The following TANGO6 variants were observed in gnomAD, a reference collection of about 807,000 sequenced individuals.
TANGO6 encodes the protein transport and golgi organization 6 homolog, also known as transport and Golgi organization protein 6 homolog.
In TANGO6, 90 loss-of-function variants were observed where a neutral mutation model predicts 114.2. That is an observed-to-expected ratio of 0.79 (90% CI 0.66 to 0.94). The LOEUF is 0.94. Ranked by LOEUF, TANGO6 falls within the 40% of genes least tolerant of loss-of-function variation. The probability of loss-of-function intolerance (pLI) is 0.00; values close to 1 mark genes in which losing one functional copy is unlikely to be tolerated. For missense variants in TANGO6, 1,274 were observed against 1,315.3 expected, an observed-to-expected ratio of 0.97 and a Z score of 0.49; for synonymous variants, 477 against 509.8, an observed-to-expected ratio of 0.94 and a Z score of 0.87.
chr16:68,886,346 T>A (rs1279425913), intron 7 of TANGO6, among the ~76,000 whole-genome samples: 1 of 151,406 alleles, frequency 6.6e-6, no homozygotes, highest in Non-Finnish European at 1.5e-5. Flanking sequence ...GCCTCCCATG[T>A]AGCTCGGATT....
At chr16:68,877,752 C>T (rs539434509) in intron 5 of TANGO6, among the ~76,000 whole-genome samples, 5 of 151,928 alleles carry the variant, frequency 3.3e-5, no homozygotes, top group South Asian at 2.1e-4. Flanking sequence ...GGACTACAGG[C>T]GCCCGCCACC....
intron 1 of TANGO6, among the ~76,000 whole-genome samples, chr16:68,859,049 A>G (rs1962044467): frequency 6.6e-6 from 1 of 152,208 alleles, no homozygotes; most frequent in Non-Finnish European, 1.5e-5. Context: ...TGTTGAAAAT[A>G]CATATTCTGG....
chr16:68,873,380 C>T (rs1179716511), intron 4 of TANGO6, among the ~76,000 whole-genome samples: 1 of 152,156 alleles, frequency 6.6e-6, no homozygotes, highest in African/African-American at 2.4e-5. Flanking sequence ...ATGGCATGAT[C>T]TCAGCTTACT....
intron 14 of TANGO6, among the ~76,000 whole-genome samples, chr16:68,954,318 T>C (rs1963505214): frequency 6.7e-6 from 1 of 148,634 alleles, no homozygotes; most frequent in South Asian, 2.1e-4. Context: ...GCAGCAGGAC[T>C]ACAGCAGGGA....
chr16:68,974,846 T>G (rs1334880462), intron 15 of TANGO6, among the ~76,000 whole-genome samples: 1 of 151,900 alleles, frequency 6.6e-6, no homozygotes, highest in African/African-American at 2.4e-5. Flanking sequence ...AGGATCACTT[T>G]AGGCCTGGCA....
At chr16:68,872,856 C>T (rs928233305) in intron 4 of TANGO6, among the ~76,000 whole-genome samples, 2 of 151,064 alleles carry the variant, frequency 1.3e-5, no homozygotes, top group Non-Finnish European at 2.9e-5. Context: ...GCCACCACAC[C>T]CAGCTAATAT....
intron 15 of TANGO6, among the ~76,000 whole-genome samples, chr16:68,988,802 T>G (rs1185132790): frequency 6.6e-6 from 1 of 150,766 alleles, no homozygotes; most frequent in Non-Finnish European, 1.5e-5. Context: ...AGGGCTCAAG[T>G]GGTCCTCCCA....
At position 68,900,583 on chromosome 16, in the gene TANGO6, G is replaced by A. The variant is rs774445199; in HGVS notation, c.1490+37G>A. ...AGGGACCCTTATTTGTTTATAAATT[G>A]TGACGTCTTTTTTGCATGTTGTTTT... On this transcript the variant is annotated intron_variant, in intron 8 of 17. Transcript: ENST00000261778. The A allele has an allele frequency of 1.0e-5, 15 of 1,478,722 alleles. No homozygotes were observed. In the East Asian group the frequency reaches 2.5e-4, roughly 25 times the overall value. 91.6% of individuals were successfully genotyped at this position (1,478,722 alleles called of 1,614,324 possible).
chr16:68,880,818 C>G (rs921494601), intron 7 of TANGO6, among the ~76,000 whole-genome samples, 188 bp downstream of exon 7: 1 of 152,110 alleles, frequency 6.6e-6, no homozygotes, highest in African/African-American at 2.4e-5. Flanking sequence ...AGCCGCTGCT[C>G]CCAGCCTTTT....
Position 68,982,630 on chromosome 16 carries a change from C to CTTTTTTTTTTTTTTTTTTTTTTTTTTTTT in TANGO6, c.2842+8484_2842+8485insTTTTTTTTTTTTTTTTTTTTTTTTTTTTT, listed in dbSNP as rs562523656. Among the ~76,000 whole-genome samples, 13 of 105,304 alleles carry CTTTTTTTTTTTTTTTTTTTTTTTTTTTTT rather than the reference C, an allele frequency of 1.2e-4. 1 individual carries two copies. Among genetic ancestry groups the CTTTTTTTTTTTTTTTTTTTTTTTTTTTTT allele is most frequent in the African/African-American group, 2.4e-4 (5 of 21,172 alleles). 69.1% of individuals were successfully genotyped at this position (105,304 alleles called of 152,430 possible). A position where few individuals can be genotyped will look rare whatever the true frequency, so the allele number is the denominator to read the frequency against. On this transcript the variant is annotated intron_variant, in intron 15 of 17. Transcript: ENST00000261778. ...CAGGCATGAGCCACCATGCCCTGGC[C>CTTTTTTTTTTTTTTTTTTTTTTTTTTTTT]TTTTTTTTTTTTTTTTTTTTTTGTA...
chr16:69,063,808 C>CTTCTTCTTATTATTA (rs56983779), intron 17 of TANGO6, among the ~76,000 whole-genome samples: 230 of 125,570 alleles, frequency 1.8e-3, no homozygotes, highest in African/African-American at 4.0e-3. Flanking sequence ...TCTTCTTCTT[C>CTTCTTCTTATTATTA]TTATTATTAT....
rs1322705612 is a variant in TANGO6, at chr16:68,919,120, C to T, written c.2028C>T (p.Ala676=). 2 of 1,613,112 alleles carry T rather than the reference C, an allele frequency of 1.2e-6. No homozygotes were observed. The highest frequency in any genetic ancestry group is 1.7e-6 in the Non-Finnish European group (2 of 1,179,670). ...TTGTAGCAGCAACATTGCAGAGAGCCTGTGCAAGCCTGGCCCATCAGGCAG... is the reference window on the plus strand; with the variant it reads ...TTGTAGCAGCAACATTGCAGAGAGCTTGTGCAAGCCTGGCCCATCAGGCAG... ...VDFVAATLQR[A]CASLAHQAES... is the part of the protein sequence containing the mutation. The change falls in exon 12 of 18, where the codon GCC becomes GCT. Residue 676 remains alanine, a synonymous_variant. Transcript: ENST00000261778.
At chr16:68,847,702 C>T (rs997822090) in intron 1 of TANGO6, among the ~76,000 whole-genome samples, 2 of 152,028 alleles carry the variant, frequency 1.3e-5, no homozygotes, top group Admixed American at 6.6e-5. Flanking sequence ...CTGGAAAGTC[C>T]TAGAAGAATA....
intron 4 of TANGO6, among the ~76,000 whole-genome samples, chr16:68,872,163 G>T (rs933429398): frequency 4.0e-5 from 6 of 151,682 alleles, no homozygotes; most frequent in Admixed American, 6.6e-5. Flanking sequence ...GGAGGTTTCA[G>T]TGAGCCGAGA....
chr16:69,061,445 T>C (rs1456336763), intron 17 of TANGO6, among the ~76,000 whole-genome samples: 1 of 151,928 alleles, frequency 6.6e-6, no homozygotes, highest in Non-Finnish European at 1.5e-5. Context: ...GCACCTGTAG[T>C]CCCAGCTACA....
intron 17 of TANGO6, among the ~76,000 whole-genome samples, chr16:69,043,639 T>G (rs1447550258): frequency 6.6e-6 from 1 of 152,170 alleles, no homozygotes; most frequent in Non-Finnish European, 1.5e-5. Flanking sequence ...GTGTTAAATC[T>G]TGTAATCGTA....
At chr16:69,062,927 A>G (rs1960146379) in intron 17 of TANGO6, among the ~76,000 whole-genome samples, 1 of 151,660 alleles carries the variant, frequency 6.6e-6, no homozygotes, top group Non-Finnish European at 1.5e-5. Flanking sequence ...CCCTGTCTGT[A>G]TTAAAAATAC....
chr16:69,076,088 CTTTTT>C (rs34844519), intron 17 of TANGO6, among the ~76,000 whole-genome samples: 11 of 85,674 alleles, frequency 1.3e-4, no homozygotes, highest in African/African-American at 5.4e-4. Context: ...TATTTCATTT[CTTTTT>C]TTTTTTTTTT....
chr16:68,946,315 C>A (rs1294970148), intron 14 of TANGO6, among the ~76,000 whole-genome samples: 2 of 152,018 alleles, frequency 1.3e-5, no homozygotes, highest in African/African-American at 4.8e-5. Flanking sequence ...CCTCAGCCTC[C>A]CGAGTAGCTG....
Sources: allele counts gnomAD v4.1 joint callset (sites outside exome capture counted in the v4.1 genomes callset), GRCh38; gene constraint gnomAD v4.1.1; transcripts MANE v1.5; gene names NCBI Gene and HGNC (gene_info 2026-07-23, HGNC 2026-07-21).